OPHN1: variants seen among roughly 807,000 people sequenced by gnomAD.
OPHN1 encodes oligophrenin 1, also known as oligophrenin-1.
OPHN1 carries 11 observed loss-of-function variants against 60.7 expected under a neutral mutation model. The observed-to-expected ratio is 0.18, with a 90% CI of 0.11 to 0.30. OPHN1 has a LOEUF of 0.30. Ranked by LOEUF, OPHN1 falls within the 10% of genes least tolerant of loss-of-function variation. The pLI, the probability that OPHN1 is intolerant of heterozygous loss-of-function variation, is 1.00. For synonymous variants in OPHN1, 226 were observed against 222.6 expected (o/e 1.02, Z -0.14); for missense variants, 449 against 611.0 (o/e 0.73, Z 2.80).
intron 2 of OPHN1, among the ~76,000 whole-genome samples, chrX:68,324,421 G>A (rs10126228): frequency 0.08 from 8,323 of 104,646 alleles, 890 homozygotes; most frequent in African/African-American, 0.28. Flanking sequence ...TGGGCAAACC[G>A]GTAAGACTCC....
In OPHN1 at chrX:68,271,095, T is replaced by C. The variant is rs769717119; in HGVS notation, c.384+3643A>G. Among the ~76,000 whole-genome samples, 118 of 111,706 alleles carry C rather than the reference T, an allele frequency of 1.1e-3. 2 individuals are homozygous for C. Among genetic ancestry groups the C allele is most frequent in the Non-Finnish European group, 4.7e-4 (25 of 53,199 alleles). On this transcript the variant is annotated intron_variant, in intron 5 of 24. Transcript: ENST00000355520. ...AGCCAGCTAGCAGCAGTGCTGGGTA[T>C]ACCAGGCTAAGTCCAATCAGGAGAT...
chrX:68,422,786 AGAGG>A (rs1186609970), intron 2 of OPHN1, among the ~76,000 whole-genome samples: 36 of 60,469 alleles, frequency 6.0e-4, no homozygotes, highest in South Asian at 3.5e-3. Flanking sequence ...AGAAAGAGAG[AGAGG>A]GAGGGAGGGA....
At chrX:68,190,908 G>A (rs2077485261) in intron 15 of OPHN1, among the ~76,000 whole-genome samples, 1 of 111,593 alleles carries the variant, frequency 9.0e-6, no homozygotes, top group African/African-American at 3.3e-5. Context: ...AAGAATGTAA[G>A]GTGATTAATG....
rs34592755 is a variant in OPHN1, at chrX:68,420,847, G to GAA, written c.154+12018_154+12019dup. ...CACAAGCTGAAAGTGATTCTCAACA[G>GAA]AAAAAAAAAAAAAAAAAAATCACAG... On this transcript the variant is annotated intron_variant, in intron 2 of 24. Transcript: ENST00000355520. 9.5e-3 allele frequency among the ~76,000 whole-genome samples: 615 copies of GAA among 64,969 alleles called. 5 individuals are homozygous for GAA. Among genetic ancestry groups the GAA allele is most frequent in the African/African-American group, 0.027 (514 of 19,370 alleles). The allele number at this position is 64,969 out of a possible 115,157, so 56.4% of individuals were successfully genotyped here. A position where few individuals can be genotyped will look rare whatever the true frequency, so the allele number is the denominator to read the frequency against.
intron 19 of OPHN1, among the ~76,000 whole-genome samples, chrX:68,078,987 A>G (rs1218422675): frequency 2.1e-5 from 2 of 93,492 alleles, no homozygotes; most frequent in East Asian, 6.3e-4. Context: ...CTGTCTCAAA[A>G]TAAATAAATA....
intron 2 of OPHN1, among the ~76,000 whole-genome samples, chrX:68,413,523 G>A (rs1414244264): frequency 9.0e-6 from 1 of 111,307 alleles, no homozygotes; most frequent in Middle Eastern, 4.6e-3. Flanking sequence ...TTCCCCACAC[G>A]CCCACCCAGG....
intron 2 of OPHN1, among the ~76,000 whole-genome samples, chrX:68,334,880 G>A (rs1304565154): frequency 1.8e-5 from 2 of 109,905 alleles, no homozygotes; most frequent in Non-Finnish European, 3.8e-5. Flanking sequence ...GGAGGCTGAG[G>A]CAGGAGGATT....
chrX:68,225,012 C>G lies in OPHN1; in HGVS notation c.486+9475G>C, dbSNP rs150957721. ...ACAGACAGTACCTGGAAAATCGGGA[C>G]ACTCCCACCCTAATACTGCGCTTTT... On this transcript the variant is annotated intron_variant, in intron 6 of 24. Coordinates refer to ENST00000355520, the MANE Select transcript of OPHN1 (RefSeq NM_002547.3). Among the ~76,000 whole-genome samples, 152 of 112,204 alleles carry G rather than the reference C, an allele frequency of 1.4e-3. 1 individual carries two copies. In the East Asian group the frequency reaches 0.032, roughly 24 times the overall value.
chrX:68,139,827 C>G (rs908735785), intron 15 of OPHN1, among the ~76,000 whole-genome samples: 1 of 112,057 alleles, frequency 8.9e-6, no homozygotes, highest in Non-Finnish European at 1.9e-5. Context: ...ATTCCAGCAG[C>G]GAATGCTAAG....
intron 6 of OPHN1, among the ~76,000 whole-genome samples, chrX:68,217,960 T>G: frequency 9.8e-6 from 1 of 102,488 alleles, no homozygotes; most frequent in Non-Finnish European, 2.0e-5. Flanking sequence ...AGAAGAAGGC[T>G]TCAGATGATC....
chrX:68,345,530 A>G (rs940092440), intron 2 of OPHN1, among the ~76,000 whole-genome samples: 6 of 112,424 alleles, frequency 5.3e-5, no homozygotes, highest in Middle Eastern at 4.6e-3. Context: ...AAACCTCACA[A>G]TTGGTAAATT....
intron 15 of OPHN1, among the ~76,000 whole-genome samples, chrX:68,141,758 C>T (rs2077243435): frequency 9.1e-6 from 1 of 110,278 alleles, no homozygotes; most frequent in Non-Finnish European, 1.9e-5. Flanking sequence ...AACAGAGAGA[C>T]AGAGAGGTCA....
intron 5 of OPHN1, among the ~76,000 whole-genome samples, chrX:68,236,402 A>G (rs2077753196): frequency 8.9e-6 from 1 of 112,528 alleles, no homozygotes; most frequent in Non-Finnish European, 1.9e-5. Flanking sequence ...ACTGAAATAT[A>G]ATTCTCATAT....
At chrX:68,164,833 T>C (rs1280884157) in intron 15 of OPHN1, among the ~76,000 whole-genome samples, 2 of 112,406 alleles carry the variant, frequency 1.8e-5, no homozygotes, top group Non-Finnish European at 3.8e-5. Context: ...TATTTTACTG[T>C]AGCCGCCTTT....
intron 2 of OPHN1, among the ~76,000 whole-genome samples, chrX:68,396,398 CAAAAAAAAAAAAAAA>C (rs57880548): frequency 1.3e-4 from 5 of 39,286 alleles, no homozygotes; most frequent in African/African-American, 2.4e-4. Context: ...CCACTGCTCT[CAAAAAAAAAAAAAAA>C]AAAAAAAAAA....
chrX:68,071,716 G>A (rs2076935418), intron 20 of OPHN1: 9 of 499,635 alleles, frequency 1.8e-5, no homozygotes, highest in Admixed American at 5.3e-5. Flanking sequence ...ATAATGACCC[G>A]CTGCCCTTTG....
intron 2 of OPHN1, among the ~76,000 whole-genome samples, chrX:68,389,516 A>G (rs919867845): frequency 9.3e-6 from 1 of 107,656 alleles, no homozygotes; most frequent in Non-Finnish European, 1.9e-5. Context: ...GCAGTGAGCC[A>G]AGTTTGTGCC....
intron 5 of OPHN1, among the ~76,000 whole-genome samples, chrX:68,271,888 G>C (rs971637840): frequency 9.1e-6 from 1 of 110,133 alleles, no homozygotes; most frequent in African/African-American, 3.3e-5. Context: ...GGTCATGAAG[G>C]CTTCAAGGAG....
chrX:68,136,310 T>TTTG (rs1555942935), intron 15 of OPHN1, among the ~76,000 whole-genome samples: 34 of 76,121 alleles, frequency 4.5e-4, no homozygotes, highest in Non-Finnish European at 7.3e-4. Flanking sequence ...TTTTTTTTTT[T>TTTG]TTTTTGTTTT....
Sources: allele counts gnomAD v4.1 joint callset (sites outside exome capture counted in the v4.1 genomes callset), GRCh38; gene constraint gnomAD v4.1.1; transcripts MANE v1.5; gene names NCBI Gene and HGNC (gene_info 2026-07-23, HGNC 2026-07-21).